Variants in CFAP47 observed in about 807,000 individuals in gnomAD.
The protein encoded by CFAP47 is cilia- and flagella-associated protein 47.
Under a neutral mutation model 148.1 loss-of-function variants are expected in CFAP47, and 29 were observed. The ratio of observed to expected loss-of-function variants is 0.20; its 90% CI spans 0.15 to 0.27. The LOEUF is 0.27. CFAP47 is among the 10% of genes least tolerant of loss of function. The probability of loss-of-function intolerance (pLI) is 1.00; values close to 1 mark genes in which losing one functional copy is unlikely to be tolerated. For missense variants in CFAP47, 1,872 were observed against 1,697.5 expected, an observed-to-expected ratio of 1.10 and a Z score of -1.81; for synonymous variants, 664 against 577.3, an observed-to-expected ratio of 1.15 and a Z score of -2.15.
chrX:35,963,034 G>T (rs748026023), intron 8 of CFAP47, among the ~76,000 whole-genome samples: 1 of 106,787 alleles, frequency 9.4e-6, no homozygotes, highest in Non-Finnish European at 1.9e-5. Context: ...GCGAAACATG[G>T]ATGAACTTGG....
At chrX:36,126,630 T>C (rs1405962042) in intron 33 of CFAP47, among the ~76,000 whole-genome samples, 1 of 112,116 alleles carries the variant, frequency 8.9e-6, no homozygotes, top group East Asian at 2.8e-4. Flanking sequence ...GAATGCTGGG[T>C]CAAATGGTAT....
rs142107970 is a variant in CFAP47, at chrX:36,070,187, G to A, written c.4319-1638G>A. Among the ~76,000 whole-genome samples, 1,051 of 112,053 alleles carry A rather than the reference G, an allele frequency of 9.4e-3. 2 individuals are homozygous for A. Among genetic ancestry groups the A allele is most frequent in the Middle Eastern group, 0.014 (3 of 216 alleles). On this transcript the variant is annotated intron_variant, in intron 27 of 63. Coordinates refer to ENST00000378653, the MANE Select transcript of CFAP47 (RefSeq NM_001304548.2). Reference sequence around the variant, plus strand: ...AGCATATAATAGCTCATTTATATTTGTTATTGTCTTTAATGTAATCTTCAC... The same window carrying A: ...AGCATATAATAGCTCATTTATATTTATTATTGTCTTTAATGTAATCTTCAC...
intron 33 of CFAP47, among the ~76,000 whole-genome samples, chrX:36,113,303 C>T (rs1041988739): frequency 1.8e-5 from 2 of 111,805 alleles, no homozygotes; most frequent in African/African-American, 3.3e-5. Flanking sequence ...CAAATTCCAA[C>T]ATTTGCTTGT....
chrX:36,260,879 G>A (rs1277306251), intron 49 of CFAP47, among the ~76,000 whole-genome samples: 2 of 111,333 alleles, frequency 1.8e-5, no homozygotes, highest in South Asian at 3.7e-4. Context: ...GTTCCTTTTT[G>A]TGTATGGTGA....
At position 36,025,557 on chromosome X, in the gene CFAP47, C is replaced by A. The variant is rs1331490054; in HGVS notation, c.3557-5696C>A. ...TCAGGAGGCTGGGGCGCGAGTATCT[C>A]TTGAACCTAGTGGTGAGCTATGATC... On this transcript the variant is annotated intron_variant, in intron 22 of 63. Transcript: ENST00000378653. Among the ~76,000 whole-genome samples, 3 of 111,275 alleles carry A rather than the reference C, an allele frequency of 2.7e-5. No individual in the cohort carries two copies. The East Asian group carries it at 8.5e-4, about 32-fold the overall frequency.
intron 49 of CFAP47, among the ~76,000 whole-genome samples, chrX:36,270,549 G>GTATGTATATA (rs1940946583): frequency 1.0e-5 from 1 of 95,519 alleles, no homozygotes; most frequent in African/African-American, 3.9e-5. Flanking sequence ...TTTAAAATTT[G>GTATGTATATA]TATATATATA....
chrX:36,273,164 G>A (rs1940978880), intron 49 of CFAP47, among the ~76,000 whole-genome samples: 2 of 110,903 alleles, frequency 1.8e-5, no homozygotes, highest in Non-Finnish European at 1.9e-5. Context: ...TATTTTCAAA[G>A]GAAAACCCAT....
At chrX:35,995,697 G>A (rs949398672) in intron 18 of CFAP47, among the ~76,000 whole-genome samples, 1 of 111,360 alleles carries the variant, frequency 9.0e-6, no homozygotes, top group Non-Finnish European at 1.9e-5. Flanking sequence ...TAAAGAGGCA[G>A]CCACATATAT....
intron 4 of CFAP47, among the ~76,000 whole-genome samples, chrX:35,949,621 T>A (rs746543979): frequency 1.8e-5 from 2 of 111,802 alleles, no homozygotes; most frequent in Non-Finnish European, 3.8e-5. Context: ...CTTTTCAGAT[T>A]CCTGGTGGAG....
At chrX:36,152,458 G>A (rs925067934) in intron 37 of CFAP47, among the ~76,000 whole-genome samples, 43 of 111,283 alleles carry the variant, frequency 3.9e-4, no homozygotes, top group Non-Finnish European at 6.2e-4. Flanking sequence ...TCCTTGATGG[G>A]GTACAGGACC....
Position 36,371,375 on chromosome X carries a change from A to C in CFAP47, c.9185+4248A>C, listed in dbSNP as rs139602930. Among the ~76,000 whole-genome samples, 302 of 109,491 alleles carry C rather than the reference A, an allele frequency of 2.8e-3. 1 individual carries two copies. The highest frequency in any genetic ancestry group is 0.022 in the East Asian group (75 of 3,418). On this transcript the variant is annotated intron_variant, in intron 62 of 63. Coordinates refer to ENST00000378653, the MANE Select transcript of CFAP47 (RefSeq NM_001304548.2). ...AAACAAATGGTTTCCTAGTAATATA[A>C]GCTAATCATATTTTGAAATAGTCAT...
chrX:36,101,231 C>T lies in CFAP47; in HGVS notation c.5127+1352C>T, dbSNP rs190412607. 8.0e-5 allele frequency among the ~76,000 whole-genome samples: 9 copies of T among 111,936 alleles called. No individual in the cohort carries two copies. The East Asian group carries it at 2.5e-3, about 32-fold the overall frequency. On this transcript the variant is annotated intron_variant, in intron 32 of 63. Coordinates refer to ENST00000378653, the MANE Select transcript of CFAP47 (RefSeq NM_001304548.2). ...ATGGTCTTGGGTTTGGTTTGATAAT[C>T]CAAACTGTGAAATACAGTAGATTTT...
chrX:35,991,651 TACTG>T (rs1249582860), intron 16 of CFAP47, among the ~76,000 whole-genome samples, 166 bp from the exon 17 acceptor site: 2 of 111,122 alleles, frequency 1.8e-5, no homozygotes, highest in African/African-American at 6.5e-5. Context: ...TGTTAGAACA[TACTG>T]AATAAAGAAT....
intron 41 of CFAP47, 94 bp downstream of exon 41, chrX:36,188,784 C>G (rs1939835076): frequency 3.5e-6 from 1 of 283,564 alleles, no homozygotes; most frequent in Admixed American, 6.3e-5. Flanking sequence ...GGGATGGTTA[C>G]AAGAATAGAC....
intron 59 of CFAP47, 27 bp downstream of exon 59, chrX:36,350,159 G>T: frequency 1.1e-6 from 1 of 937,813 alleles, no homozygotes; most frequent in East Asian, 3.4e-5. Context: ...GTCAGAGAAT[G>T]CCAGAATTCT....
Position 35,951,280 on chromosome X carries a change from A to G in CFAP47, c.806A>G (p.His269Arg), listed in dbSNP as rs772675538. The G allele has an allele frequency of 2.0e-5, 24 of 1,208,254 alleles. No individual in the cohort carries two copies. Among genetic ancestry groups the G allele is most frequent in the Admixed American group, 2.0e-4 (9 of 45,548 alleles). ...PVFFGSSKIK[H>R]ARVYNNSPEP... ...TTCTTCGGATCATCAAAAATTAAAC[A>G]TGCACGTGTATACAATAATAGCCCA... is the stretch of plus-strand genomic sequence containing the variant. Residue 269 changes from histidine (H) to arginine (R), a missense_variant, in exon 5 of 64, where the codon CAT becomes CGT. Coordinates refer to ENST00000378653, the MANE Select transcript of CFAP47 (RefSeq NM_001304548.2).
At chrX:36,318,369 G>T (rs1556011426) in intron 56 of CFAP47, among the ~76,000 whole-genome samples, 1 of 111,489 alleles carries the variant, frequency 9.0e-6, no homozygotes, top group Non-Finnish European at 1.9e-5. Context: ...TTGTTTATTT[G>T]TGCATATTTA....
chrX:36,375,330 A>G (rs1386977134), intron 62 of CFAP47: 1 of 145,958 alleles, frequency 6.9e-6, no homozygotes, highest in Admixed American at 8.6e-5. Context: ...GTATTTGTGA[A>G]TTTTCCTAAA....
At chrX:36,216,017 A>G (rs1257580927) in intron 45 of CFAP47, among the ~76,000 whole-genome samples, 1 of 111,453 alleles carries the variant, frequency 9.0e-6, no homozygotes, top group Non-Finnish European at 1.9e-5. Context: ...TCTGTTGTTA[A>G]TTGTATATGA....
Sources: allele counts gnomAD v4.1 joint callset (sites outside exome capture counted in the v4.1 genomes callset), GRCh38; gene constraint gnomAD v4.1.1; transcripts MANE v1.5; gene names NCBI Gene and HGNC (gene_info 2026-07-23, HGNC 2026-07-21).